CYSLTR2: variants seen among roughly 807,000 people sequenced by gnomAD.
CYSLTR2 encodes G-protein coupled receptor GPCR21.
For missense variants in CYSLTR2, 398 were observed against 411.9 expected (o/e 0.97, Z 0.29); for synonymous variants, 179 against 160.8 (o/e 1.11, Z -0.86).
At chr13:48,675,999 T>C (rs1953586023) in intron 1 of CYSLTR2, among the ~76,000 whole-genome samples, 1 of 152,134 alleles carries the variant, frequency 6.6e-6, no homozygotes, top group South Asian at 2.1e-4. Flanking sequence ...CCAGTCCCAA[T>C]GAGATGAGCT....
At chr13:48,677,446 C>T (rs1566089740) in intron 1 of CYSLTR2, among the ~76,000 whole-genome samples, 2 of 152,228 alleles carry the variant, frequency 1.3e-5, no homozygotes, top group Middle Eastern at 6.8e-3. Flanking sequence ...GGAGGAATCA[C>T]TAGCATTTGA....
At chr13:48,673,830 C>G (rs1953519035) in intron 1 of CYSLTR2, among the ~76,000 whole-genome samples, 1 of 152,116 alleles carries the variant, frequency 6.6e-6, no homozygotes, top group Non-Finnish European at 1.5e-5. Context: ...GTGACAAAAT[C>G]CCTCACCATT....
At chr13:48,688,602 G>A (rs1268957336) in intron 1 of CYSLTR2, among the ~76,000 whole-genome samples, 1 of 152,108 alleles carries the variant, frequency 6.6e-6, no homozygotes, top group Non-Finnish European at 1.5e-5. Context: ...CTTTCTTATG[G>A]CTGCATAGTA....
At chr13:48,656,327 A>G (rs1389221164) in intron 1 of CYSLTR2, among the ~76,000 whole-genome samples, 1 of 152,208 alleles carries the variant, frequency 6.6e-6, no homozygotes, top group Non-Finnish European at 1.5e-5. Context: ...CATTATTGTC[A>G]CAAATCTTAT....
At chr13:48,688,710 A>G (rs977835524) in intron 1 of CYSLTR2, among the ~76,000 whole-genome samples, 12 of 152,230 alleles carry the variant, frequency 7.9e-5, no homozygotes, top group Admixed American at 1.3e-4. Context: ...TAGTGCTTCA[A>G]TAAACATACT....
intron 2 of CYSLTR2, among the ~76,000 whole-genome samples, chr13:48,691,752 T>A (rs1954045248): frequency 6.6e-6 from 1 of 152,100 alleles, no homozygotes; most frequent in African/African-American, 2.4e-5. Flanking sequence ...ATTACAGTAA[T>A]CTTTGTGCTT....
At chr13:48,705,488 G>T (rs375658832) in intron 4 of CYSLTR2, among the ~76,000 whole-genome samples, 185 of 150,760 alleles carry the variant, frequency 1.2e-3, no homozygotes, top group African/African-American at 4.1e-3. Context: ...TTCCTGCCTT[G>T]TTGTTGGTTA....
intron 1 of CYSLTR2, among the ~76,000 whole-genome samples, chr13:48,681,371 T>C (rs1025116792): frequency 6.6e-6 from 1 of 152,208 alleles, no homozygotes; most frequent in Non-Finnish European, 1.5e-5. Flanking sequence ...GTCTCTGCGC[T>C]CAAGGCTTTG....
Position 48,707,910 on chromosome 13 carries a change from C to T in CYSLTR2, c.*52C>T, listed in dbSNP as rs756735326. ...GTATCCTTGTGTCCATCTTCATTCA[C>T]TCATAGTCTCCAAATGACTTTGTAT... On this transcript the variant is annotated 3_prime_UTR_variant, in exon 5 of 5. Transcript: ENST00000682523. The T allele has an allele frequency of 7.9e-6, 11 of 1,385,396 alleles. No individual in the cohort carries two copies. The Admixed American group carries it at 2.6e-4, about 33-fold the overall frequency. The allele number at this position is 1,385,396 out of a possible 1,614,324, so 85.8% of individuals were successfully genotyped here.
chr13:48,686,648 G>T (rs1953900001), intron 1 of CYSLTR2, among the ~76,000 whole-genome samples: 1 of 152,160 alleles, frequency 6.6e-6, no homozygotes, highest in Admixed American at 6.5e-5. Flanking sequence ...ATTTATACAG[G>T]TGCAGCAAGA....
chr13:48,702,385 G>A lies in CYSLTR2; in HGVS notation c.-1-4432G>A, dbSNP rs145237307. Among the ~76,000 whole-genome samples the A allele has an allele frequency of 4.7e-3, 711 of 152,210 alleles. 5 individuals are homozygous for A. The highest frequency in any genetic ancestry group is 0.016 in the African/African-American group (684 of 41,522). On this transcript the variant is annotated intron_variant, in intron 4 of 4. Coordinates refer to ENST00000682523, the MANE Select transcript of CYSLTR2 (RefSeq NM_001308476.3). ...TAACAAAACTGCACGTTGTGCACAC[G>A]TACCCTAGAACTTAAAGTAAAATAA...
chr13:48,702,648 C>G (rs1330414462), intron 4 of CYSLTR2, among the ~76,000 whole-genome samples: 1 of 152,124 alleles, frequency 6.6e-6, no homozygotes, highest in African/African-American at 2.4e-5. Flanking sequence ...TTCTGTTGAT[C>G]TATCTGTTTG....
intron 4 of CYSLTR2, among the ~76,000 whole-genome samples, chr13:48,702,030 G>C (rs529821578): frequency 1.6e-4 from 24 of 152,232 alleles, no homozygotes; most frequent in African/African-American, 5.8e-4. Flanking sequence ...ATCAATGATA[G>C]ACTGGATTAA....
chr13:48,662,595 TCACTGATGATTAG>T (rs1267361786), intron 1 of CYSLTR2, among the ~76,000 whole-genome samples: 1 of 152,222 alleles, frequency 6.6e-6, no homozygotes, highest in Non-Finnish European at 1.5e-5. Flanking sequence ...TGCAAAATCA[TCACTGATGATTAG>T]TGATGTTGAA....
chr13:48,657,765 A>G (rs1480242926), intron 1 of CYSLTR2, among the ~76,000 whole-genome samples: 1 of 151,090 alleles, frequency 6.6e-6, no homozygotes, highest in Non-Finnish European at 1.5e-5. Context: ...AATCATCTAA[A>G]GAGTATTTGA....
At chr13:48,695,837 G>A (rs772695589) in intron 3 of CYSLTR2, among the ~76,000 whole-genome samples, 1 of 152,190 alleles carries the variant, frequency 6.6e-6, no homozygotes, top group Non-Finnish European at 1.5e-5. Flanking sequence ...TTTCCAGTTT[G>A]GGGCTATTAC....
At chr13:48,668,830 A>C (rs1405614805) in intron 1 of CYSLTR2, among the ~76,000 whole-genome samples, 2 of 151,246 alleles carry the variant, frequency 1.3e-5, no homozygotes, top group East Asian at 1.9e-4. Context: ...CCATTGTTCA[A>C]CTCCCACTTC....
intron 4 of CYSLTR2, among the ~76,000 whole-genome samples, chr13:48,705,129 G>A (rs1954447146): frequency 1.3e-5 from 2 of 152,020 alleles, no homozygotes; most frequent in African/African-American, 4.8e-5. Flanking sequence ...ATTTAGAATT[G>A]GTACGTCTTC....
chr13:48,707,190 A>G lies in CYSLTR2; in HGVS notation c.373A>G (p.Ser125Gly). 6.2e-7 allele frequency: 1 copy of G among 1,614,184 alleles called. No homozygotes were observed. The highest frequency in any genetic ancestry group is 8.5e-7 in the Non-Finnish European group (1 of 1,180,028). The change falls in exon 5 of 5, where the codon AGT becomes GGT. Residue 125 changes from serine to glycine, a missense_variant. Transcript: ENST00000682523. Reference sequence around the variant, plus strand: ...TTCCTTGTATGTCAACATGTACAGCAGTATTTATTTCCTGACCGTGCTGAG... The same window carrying G: ...TTCCTTGTATGTCAACATGTACAGCGGTATTTATTTCCTGACCGTGCTGAG... ...SYSLYVNMYS[S>G]IYFLTVLSVV...
Sources: allele counts gnomAD v4.1 joint callset (sites outside exome capture counted in the v4.1 genomes callset), GRCh38; gene constraint gnomAD v4.1.1; transcripts MANE v1.5; gene names NCBI Gene and HGNC (gene_info 2026-07-23, HGNC 2026-07-21).